ZNF469: variants seen among roughly 807,000 people sequenced by gnomAD.
ZNF469 encodes the protein zinc finger protein 469.
A neutral mutation model predicts 1.0 loss-of-function variants in ZNF469; 1 was observed. That is an observed-to-expected ratio of 1.00 (90% CI 0.35 to 4.73). ZNF469 has a LOEUF of 4.73. ZNF469 is among the 30% of genes most tolerant of loss of function. ZNF469 has a pLI of 0.16. For synonymous variants in ZNF469, 2,703 were observed against 2,363.4 expected, an observed-to-expected ratio of 1.14 and a Z score of -4.17; for missense variants, 6,100 against 5,356.3, an observed-to-expected ratio of 1.14 and a Z score of -4.33.
At chr16:88,212,353 C>T in the ZNF469 span, among the ~76,000 whole-genome samples, 1 of 152,092 alleles carries the variant, frequency 6.6e-6, no homozygotes, top group Non-Finnish European at 1.5e-5. Flanking sequence ...CACAGTGTCT[C>T]TTCTCCTTTC....
chr16:88,253,906 T>C, the ZNF469 span, among the ~76,000 whole-genome samples: 1 of 152,212 alleles, frequency 6.6e-6, no homozygotes, highest in African/African-American at 2.4e-5. Flanking sequence ...TTATATTATT[T>C]GATGTTCAGT....
At position 88,429,806 on chromosome 16, in the gene ZNF469, C is replaced by T. The variant is rs1379725909; in HGVS notation, c.2336C>T (p.Ala779Val). 1.9e-6 allele frequency: 3 copies of T among 1,545,166 alleles called. No individual in the cohort carries two copies. Among genetic ancestry groups the T allele is most frequent in the East Asian group, 4.9e-5 (2 of 40,776 alleles). ...GPPGLPSPPA[A>V]PRVPADAHAG... is the part of the protein sequence containing the mutation. The stretch of plus-strand genomic sequence containing the variant: ...CCTGGGCTCCCCTCGCCCCCCGCTG[C>T]CCCCAGAGTCCCTGCCGACGCACAC... The change falls in exon 3 of 3, where the codon GCC becomes GTC. Residue 779 changes from alanine to valine, a missense_variant. Coordinates refer to ENST00000565624, the MANE Select transcript of ZNF469 (RefSeq NM_001367624.2).
the ZNF469 span, among the ~76,000 whole-genome samples, chr16:88,200,959 A>G: frequency 6.6e-6 from 1 of 152,214 alleles, no homozygotes; most frequent in African/African-American, 2.4e-5. Flanking sequence ...TGCCTGCAGC[A>G]GGCCCCACTG....
chr16:88,300,219 T>C, the ZNF469 span, among the ~76,000 whole-genome samples: 1 of 152,162 alleles, frequency 6.6e-6, no homozygotes, highest in South Asian at 2.1e-4. Flanking sequence ...CCAGAGCCAC[T>C]GGGTTGCTGG....
At chr16:88,161,695 A>T in the ZNF469 span, among the ~76,000 whole-genome samples, 3 of 152,334 alleles carry the variant, frequency 2.0e-5, no homozygotes, top group African/African-American at 7.2e-5. Flanking sequence ...TGTGCCAGAA[A>T]ACATCAGTTT....
At chr16:88,210,230 A>G in the ZNF469 span, among the ~76,000 whole-genome samples, 53 of 151,754 alleles carry the variant, frequency 3.5e-4, 1 homozygote, top group South Asian at 7.1e-3. Context: ...TCATTTTCCT[A>G]TTGGGTCTTT....
At chr16:88,150,487 C>T in the ZNF469 span, among the ~76,000 whole-genome samples, 4 of 152,288 alleles carry the variant, frequency 2.6e-5, no homozygotes, top group African/African-American at 7.2e-5. Context: ...GCTGCCTCCA[C>T]GTTCAGGTGG....
At chr16:88,184,999 G>T in the ZNF469 span, among the ~76,000 whole-genome samples, 1 of 151,716 alleles carries the variant, frequency 6.6e-6, no homozygotes, top group Non-Finnish European at 1.5e-5. Flanking sequence ...TCACACCCGT[G>T]GGCACACCCA....
At chr16:88,269,594 G>A in the ZNF469 span, among the ~76,000 whole-genome samples, 1 of 152,112 alleles carries the variant, frequency 6.6e-6, no homozygotes, top group African/African-American at 2.4e-5. Flanking sequence ...CACCTGGGCT[G>A]CCCAGCTTCC....
chr16:88,126,142 T>C, the ZNF469 span, among the ~76,000 whole-genome samples: 1 of 146,684 alleles, frequency 6.8e-6, no homozygotes, highest in African/African-American at 2.6e-5. Flanking sequence ...TGAGCCGAGA[T>C]TGCACCGTTG....
the ZNF469 span, among the ~76,000 whole-genome samples, chr16:88,239,667 G>GTATATATA: frequency 4.6e-4 from 13 of 28,200 alleles, no homozygotes; most frequent in Non-Finnish European, 6.1e-4. Flanking sequence ...TTTTTTTTTT[G>GTATATATA]TATATATATA....
chr16:88,289,213 GTGA>G, the ZNF469 span, among the ~76,000 whole-genome samples: 6 of 131,086 alleles, frequency 4.6e-5, no homozygotes, highest in African/African-American at 1.7e-4. Context: ...GGTGATGGTG[GTGA>G]TGATGAGGGT....
At chr16:88,302,057 G>T in the ZNF469 span, among the ~76,000 whole-genome samples, 1 of 152,228 alleles carries the variant, frequency 6.6e-6, no homozygotes, top group Non-Finnish European at 1.5e-5. Flanking sequence ...CTCACGGGCA[G>T]TTCGTTGCCA....
chr16:88,261,404 G>A, the ZNF469 span, among the ~76,000 whole-genome samples: 12 of 152,194 alleles, frequency 7.9e-5, no homozygotes, highest in Admixed American at 2.0e-4. This position sits in a 1 kb window ranked among gnomAD's most constrained non-coding sequence, Gnocchi z 6.0. Flanking sequence ...TACATGTGCC[G>A]CAGCCCTGGA....
At chr16:88,117,073 C>G in the ZNF469 span, among the ~76,000 whole-genome samples, 1 of 152,074 alleles carries the variant, frequency 6.6e-6, no homozygotes, top group Admixed American at 6.5e-5. Flanking sequence ...GCTGTGTTGG[C>G]ACGCCTGATG....
chr16:88,135,636 G>T, the ZNF469 span, among the ~76,000 whole-genome samples: 2 of 151,994 alleles, frequency 1.3e-5, no homozygotes, highest in African/African-American at 4.8e-5. Context: ...ACCCACACCC[G>T]GGGCCCCTCT....
At chr16:88,206,602 G>A in the ZNF469 span, among the ~76,000 whole-genome samples, 3 of 151,816 alleles carry the variant, frequency 2.0e-5, no homozygotes, top group Non-Finnish European at 4.4e-5. Context: ...ACTTGTCTCT[G>A]GTCCAGCCCA....
upstream of ZNF469, among the ~76,000 whole-genome samples, chr16:88,379,718 C>A (rs2092516285): frequency 6.6e-6 from 1 of 152,174 alleles, no homozygotes; most frequent in South Asian, 2.1e-4. Context: ...ACTCCTGATG[C>A]TGCCACTGGG....
chr16:88,372,483 TACC>T, the ZNF469 span, among the ~76,000 whole-genome samples: 12 of 130,282 alleles, frequency 9.2e-5, no homozygotes, highest in Admixed American at 4.5e-4. Flanking sequence ...TCACCATGAT[TACC>T]ACCATCACCA....
Sources: allele counts gnomAD v4.1 joint callset (sites outside exome capture counted in the v4.1 genomes callset), GRCh38; gene constraint gnomAD v4.1.1; non-coding constraint Gnocchi (gnomAD v3.1); transcripts MANE v1.5; gene names NCBI Gene and HGNC (gene_info 2026-07-23, HGNC 2026-07-21).